TUBGCP4: variants seen among roughly 807,000 people sequenced by gnomAD.
TUBGCP4 encodes tubulin gamma complex component 4.
A neutral mutation model predicts 91.6 loss-of-function variants in TUBGCP4; 54 were observed. That is an observed-to-expected ratio of 0.59 (90% CI 0.47 to 0.74). The LOEUF is 0.74. Among genes scored for constraint, TUBGCP4 ranks in the 30% least tolerant of loss-of-function variants. The pLI, the probability that TUBGCP4 is intolerant of heterozygous loss-of-function variation, is 0.00. For missense variants in TUBGCP4, 593 were observed against 800.9 expected, an observed-to-expected ratio of 0.74 and a Z score of 3.13; for synonymous variants, 297 against 302.8, an observed-to-expected ratio of 0.98 and a Z score of 0.20.
intron 6 of TUBGCP4, among the ~76,000 whole-genome samples, chr15:43,382,762 C>T (rs745920961): frequency 8.5e-5 from 13 of 152,164 alleles, no homozygotes; most frequent in Non-Finnish European, 1.3e-4. Flanking sequence ...AATATGCTAT[C>T]TGGTGGGTGA....
At chr15:43,402,693 A>G (rs892940521) in intron 15 of TUBGCP4, 4 of 152,234 alleles carry the variant, frequency 2.6e-5, no homozygotes, top group Non-Finnish European at 5.9e-5. Context: ...GAGCACTTAA[A>G]TTAGAATCCC....
rs547733531 is a variant in TUBGCP4 at position 43,400,295 on chromosome 15, G to A, written c.1596+74G>A. 6.5e-6 allele frequency: 8 copies of A among 1,224,154 alleles called. 1 individual carries two copies. The highest frequency in any genetic ancestry group is 9.1e-6 in the Non-Finnish European group (8 of 876,700). 75.8% of individuals were successfully genotyped at this position (1,224,154 alleles called of 1,614,324 possible). On this transcript the variant is annotated intron_variant, in intron 14 of 17. Coordinates refer to ENST00000564079, the MANE Select transcript of TUBGCP4 (RefSeq NM_014444.5). The stretch of plus-strand genomic sequence containing the variant: ...GGAGGTTGGCAGGGAGTATTGAATA[G>A]GGACTACAAGTTTCTATTTGATAAA...
rs953802951 is a variant in TUBGCP4, at chr15:43,406,424, G to A, written c.*1210G>A. On this transcript the variant is annotated 3_prime_UTR_variant, in exon 18 of 18. Coordinates refer to ENST00000564079, the MANE Select transcript of TUBGCP4 (RefSeq NM_014444.5). ...CTTTCTACTGCTGTCTCTGGAGCAG[G>A]AGCTGGCAAACTATGGCCTGCTGTC... is the stretch of plus-strand genomic sequence containing the variant. 6 of 346,302 alleles carry A rather than the reference G, an allele frequency of 1.7e-5. No homozygotes were observed. The highest frequency in any genetic ancestry group is 1.1e-4 in the Admixed American group (3 of 27,416). 21.5% of individuals were successfully genotyped at this position (346,302 alleles called of 1,614,324 possible). A position where few individuals can be genotyped will look rare whatever the true frequency, so the allele number is the denominator to read the frequency against.
intron 1 of TUBGCP4, 55 bp from the exon 2 acceptor site, chr15:43,376,043 C>T: frequency 6.2e-7 from 1 of 1,603,622 alleles, no homozygotes; most frequent in Non-Finnish European, 8.5e-7. Context: ...TTTGAAGCAC[C>T]TGAAAGTTGG....
chr15:43,398,323 A>T lies in TUBGCP4; in HGVS notation c.1418+144A>T, dbSNP rs532785978. 3.2e-5 allele frequency: 27 copies of T among 832,668 alleles called. No homozygotes were observed. The South Asian group carries it at 6.7e-4, about 21-fold the overall frequency. 51.6% of individuals were successfully genotyped at this position (832,668 alleles called of 1,614,324 possible). On this transcript the variant is annotated intron_variant, in intron 13 of 17. Transcript: ENST00000564079. ...GCTAGTCCAGAGCCTGAGCAGGAGG[A>T]TCCCTTAAGCCCAGGATTTCAAATC...
intron 15 of TUBGCP4, 25 bp downstream of exon 15, chr15:43,401,875 C>T (rs1566902796): frequency 6.2e-7 from 1 of 1,613,018 alleles, no homozygotes; most frequent in East Asian, 2.2e-5. Flanking sequence ...TTGGTTTCCT[C>T]AGACTGCTTC....
At chr15:43,374,204 C>T (rs568056900) in intron 1 of TUBGCP4, among the ~76,000 whole-genome samples, 1 of 152,260 alleles carries the variant, frequency 6.6e-6, no homozygotes, top group Non-Finnish European at 1.5e-5. Flanking sequence ...GTAATTGTAT[C>T]TGATTTTGTT....
At chr15:43,404,750 T>TAAA (rs2044801981) in intron 17 of TUBGCP4, 198 bp downstream of exon 17, 10 of 626,326 alleles carry the variant, frequency 1.6e-5, no homozygotes, top group Non-Finnish European at 1.6e-5. Flanking sequence ...CATAAAATAC[T>TAAA]AAAAAACCTG....
intron 9 of TUBGCP4, among the ~76,000 whole-genome samples, chr15:43,390,652 G>A (rs2044451207): frequency 1.3e-5 from 2 of 151,866 alleles, no homozygotes; most frequent in South Asian, 2.1e-4. Context: ...GGGATTACAG[G>A]CGTGCACCAC....
chr15:43,376,999 A>C lies in TUBGCP4; in HGVS notation c.331-15A>C, dbSNP rs761108486. 1 of 1,610,118 alleles carries C rather than the reference A, an allele frequency of 6.2e-7. No homozygotes were observed. On this transcript the variant is annotated splice_polypyrimidine_tract_variant and intron_variant, in intron 3 of 17. Transcript: ENST00000564079. ...ATTTTGTGTGGAGCTCTAATCACAA[A>C]GTTTTTTATTGCAGTTCCTGGGTGA...
chr15:43,397,460 A>G (rs1466690918), intron 12 of TUBGCP4, 139 bp downstream of exon 12: 5 of 676,358 alleles, frequency 7.4e-6, no homozygotes, highest in East Asian at 5.4e-5. Context: ...AATTCTATAG[A>G]GAAGAAAAGG....
chr15:43,393,715 T>C (rs970151935), intron 9 of TUBGCP4, among the ~76,000 whole-genome samples: 14 of 152,236 alleles, frequency 9.2e-5, no homozygotes, highest in African/African-American at 3.1e-4. Context: ...TTTGTCCTTG[T>C]GAGAGTTTGC....
intron 15 of TUBGCP4, chr15:43,403,193 C>T (rs2044728975): frequency 6.6e-6 from 1 of 151,724 alleles, no homozygotes; most frequent in Non-Finnish European, 1.5e-5. Context: ...TATATATATA[C>T]ATACAAAAAT....
At chr15:43,400,832 C>T (rs976826819) in intron 14 of TUBGCP4, among the ~76,000 whole-genome samples, 3 of 151,658 alleles carry the variant, frequency 2.0e-5, no homozygotes, top group Non-Finnish European at 2.9e-5. Context: ...GCAGGAGAAT[C>T]GCTTGAACCT....
At chr15:43,377,792 T>C (rs2044231524) in intron 4 of TUBGCP4, 55 bp from the exon 5 acceptor site, 1 of 1,386,158 alleles carries the variant, frequency 7.2e-7, no homozygotes. Context: ...CCCAAGTTGA[T>C]TTTTTTTCCC....
chr15:43,376,941 T>G, intron 3 of TUBGCP4, 73 bp from the exon 4 acceptor site: 1 of 1,271,128 alleles, frequency 7.9e-7, no homozygotes, highest in Non-Finnish European at 1.1e-6. Flanking sequence ...TGAGATTCTC[T>G]TCTCATTTTC....
chr15:43,386,050 T>A (rs1397548254), intron 8 of TUBGCP4, 94 bp downstream of exon 8: 1 of 1,532,054 alleles, frequency 6.5e-7, no homozygotes, highest in African/African-American at 1.4e-5. Flanking sequence ...GAGCGAGTGG[T>A]CGATAATATT....
chr15:43,384,479 C>G (rs1403674768), intron 7 of TUBGCP4, among the ~76,000 whole-genome samples: 1 of 152,100 alleles, frequency 6.6e-6, no homozygotes. Flanking sequence ...AAGAGACATC[C>G]AGGCAGAAGG....
intron 9 of TUBGCP4, among the ~76,000 whole-genome samples, chr15:43,388,426 A>T (rs906452387): frequency 6.6e-6 from 1 of 152,172 alleles, no homozygotes; most frequent in African/African-American, 2.4e-5. Context: ...TTTGATTTGA[A>T]TCTTTCTGGG....
Sources: allele counts gnomAD v4.1 joint callset (sites outside exome capture counted in the v4.1 genomes callset), GRCh38; gene constraint gnomAD v4.1.1; transcripts MANE v1.5; gene names NCBI Gene and HGNC (gene_info 2026-07-23, HGNC 2026-07-21).